ZZZ3: variants seen among roughly 807,000 people sequenced by gnomAD.
The protein encoded by ZZZ3 is ZZ-type zinc finger-containing protein 3.
In ZZZ3, 22 loss-of-function variants were observed where a neutral mutation model predicts 95.2. That is an observed-to-expected ratio of 0.23 (90% CI 0.17 to 0.33). The LOEUF (loss-of-function observed/expected upper bound fraction) is 0.33, where lower values mean the gene tolerates loss of function less well. ZZZ3 is among the 10% of genes least tolerant of loss of function. ZZZ3 has a pLI of 1.00. For missense variants in ZZZ3, 885 were observed against 1,066.5 expected, an observed-to-expected ratio of 0.83 and a Z score of 2.37; for synonymous variants, 335 against 358.9, an observed-to-expected ratio of 0.93 and a Z score of 0.75.
chr1:77,604,912 G>T (rs1665080782), intron 5 of ZZZ3, among the ~76,000 whole-genome samples: 1 of 152,080 alleles, frequency 6.6e-6, no homozygotes, highest in Non-Finnish European at 1.5e-5. Flanking sequence ...TAACTGCAAA[G>T]TGTAGGAGAA....
At position 77,623,555 on chromosome 1, in the gene ZZZ3, G is replaced by C. The variant is rs146377085; in HGVS notation, c.1505+8295C>G. On this transcript the variant is annotated intron_variant, in intron 5 of 14. Transcript: ENST00000370801. Reference sequence around the variant, plus strand: ...AAGGCTAACCGAGATCTAGAGAACAGGCTACTCTGTACTTCCCCTAACAAA... The same window carrying C: ...AAGGCTAACCGAGATCTAGAGAACACGCTACTCTGTACTTCCCCTAACAAA... 2.1e-3 allele frequency among the ~76,000 whole-genome samples: 317 copies of C among 152,120 alleles called. 1 individual carries two copies. Among genetic ancestry groups the C allele is most frequent in the Non-Finnish European group, 3.4e-3 (233 of 67,982 alleles).
At chr1:77,657,086 T>C (rs1478831635) in intron 1 of ZZZ3, among the ~76,000 whole-genome samples, 1 of 152,198 alleles carries the variant, frequency 6.6e-6, no homozygotes, top group Admixed American at 6.5e-5. Context: ...GTTCAAGTGA[T>C]TCTCATGCCT....
At chr1:77,588,479 T>C (rs1431289918) in intron 5 of ZZZ3, among the ~76,000 whole-genome samples, 1 of 152,048 alleles carries the variant, frequency 6.6e-6, no homozygotes. Context: ...ACTTGTTTTA[T>C]AGAGTATAAA....
At chr1:77,610,736 A>G (rs1049913494) in intron 5 of ZZZ3, among the ~76,000 whole-genome samples, 6 of 151,974 alleles carry the variant, frequency 3.9e-5, no homozygotes, top group Non-Finnish European at 8.8e-5. Flanking sequence ...GTGCAGAAAA[A>G]GCACTGGCAA....
intron 1 of ZZZ3, among the ~76,000 whole-genome samples, chr1:77,648,825 T>C (rs1163194250): frequency 6.6e-6 from 1 of 151,948 alleles, no homozygotes. Context: ...AAATGACGAA[T>C]TCACAGATCA....
chr1:77,653,355 A>C (rs1434287303), intron 1 of ZZZ3, among the ~76,000 whole-genome samples: 2 of 152,224 alleles, frequency 1.3e-5, no homozygotes, highest in African/African-American at 4.8e-5. Flanking sequence ...GCAATTAGGT[A>C]CTACTGATGG....
chr1:77,657,038 C>A (rs1260858103), intron 1 of ZZZ3, among the ~76,000 whole-genome samples: 1 of 152,142 alleles, frequency 6.6e-6, no homozygotes, highest in African/African-American at 2.4e-5. Flanking sequence ...TGGAGTGCAG[C>A]GGTATGATCT....
At chr1:77,628,972 T>TA (rs1424561336) in intron 5 of ZZZ3, among the ~76,000 whole-genome samples, 1 of 152,158 alleles carries the variant, frequency 6.6e-6, no homozygotes, top group African/African-American at 2.4e-5. Flanking sequence ...AGGAGGAGAA[T>TA]AAACCATCTC....
chr1:77,659,913 A>G (rs913233615), intron 1 of ZZZ3, among the ~76,000 whole-genome samples: 1 of 152,036 alleles, frequency 6.6e-6, no homozygotes, highest in Non-Finnish European at 1.5e-5. Context: ...GCTCACTGCC[A>G]CCTCAAATTC....
intron 12 of ZZZ3, among the ~76,000 whole-genome samples, chr1:77,575,619 G>A (rs985022745): frequency 8.5e-5 from 13 of 152,152 alleles, no homozygotes; most frequent in Admixed American, 3.3e-4. Context: ...AACATTGGGA[G>A]AGGGAAAAAA....
chr1:77,652,324 T>C (rs1669885002), intron 1 of ZZZ3, among the ~76,000 whole-genome samples: 2 of 152,110 alleles, frequency 1.3e-5, no homozygotes, highest in Non-Finnish European at 2.9e-5. Flanking sequence ...AATATACAAA[T>C]AGCCAATAAG....
chr1:77,599,975 A>G lies in ZZZ3; in HGVS notation c.1506-15320T>C, dbSNP rs368907969. 3.9e-5 allele frequency among the ~76,000 whole-genome samples: 6 copies of G among 152,204 alleles called. 1 individual carries two copies. Among genetic ancestry groups the G allele is most frequent in the African/African-American group, 1.4e-4 (6 of 41,558 alleles). ...TCAGATGTTATTTTCTTTTGCATGA[A>G]AGGTTTCATCAACAATCCTGAAAAT... On this transcript the variant is annotated intron_variant, in intron 5 of 14. Transcript: ENST00000370801.
intron 12 of ZZZ3, among the ~76,000 whole-genome samples, chr1:77,569,111 C>T (rs1186728898): frequency 3.3e-5 from 5 of 152,130 alleles, no homozygotes; most frequent in Non-Finnish European, 4.4e-5. Context: ...CCGAGGTGGA[C>T]GGATCACTTT....
intron 5 of ZZZ3, among the ~76,000 whole-genome samples, chr1:77,598,081 G>A (rs923303021): frequency 6.6e-6 from 1 of 151,996 alleles, no homozygotes; most frequent in Admixed American, 6.6e-5. Context: ...AACAACAGGG[G>A]TTAGGAGCAC....
chr1:77,595,739 T>C (rs1664156160), intron 5 of ZZZ3, among the ~76,000 whole-genome samples: 1 of 151,958 alleles, frequency 6.6e-6, no homozygotes, highest in African/African-American at 2.4e-5. Context: ...ATGTATAAGA[T>C]AAATTGGAGA....
rs1336820858 is a variant in ZZZ3 at position 77,568,377 on chromosome 1, C to T, written c.2421G>A (p.Gln807=). The T allele has an allele frequency of 6.3e-7, 1 of 1,597,538 alleles. No homozygotes were observed. The highest frequency in any genetic ancestry group is 1.4e-5 in the African/African-American group (1 of 73,398). The stretch of plus-strand genomic sequence containing the variant: ...CAAATCCACTTTCAGCTTGCATTTG[C>T]TGAAGTTTCTGCTTCTTTAACTTTT... The part of the protein sequence containing the change: ...QFKKLKKQKL[Q]QMQAESGFVQ... The change falls in exon 13 of 15, where the codon CAG becomes CAA. Residue 807 remains glutamine, a synonymous_variant. Coordinates refer to ENST00000370801, the MANE Select transcript of ZZZ3 (RefSeq NM_015534.6).
intron 14 of ZZZ3, 85 bp downstream of exon 14, chr1:77,565,996 T>C: frequency 4.1e-6 from 5 of 1,230,438 alleles, no homozygotes; most frequent in Non-Finnish European, 5.7e-6. Context: ...ATTAATATTT[T>C]CTATGTTTGG....
rs1261769025 is a variant in ZZZ3, at chr1:77,640,950, A to C, written c.-206+434T>G. On this transcript the variant is annotated intron_variant, in intron 3 of 14. Transcript: ENST00000370801. Reference sequence around the variant, plus strand: ...ATGCCCTGGAAATGCTTTAAAAAGCACAAGGTAGGAAAATTGTCTAATAAC... The same window carrying C: ...ATGCCCTGGAAATGCTTTAAAAAGCCCAAGGTAGGAAAATTGTCTAATAAC... 3 of 152,256 alleles carry C rather than the reference A, an allele frequency of 2.0e-5. No individual in the cohort carries two copies. The East Asian group carries it at 5.8e-4, about 29-fold the overall frequency. 9.4% of individuals were successfully genotyped at this position (152,256 alleles called of 1,614,324 possible).
rs139811576 is a variant in ZZZ3, at chr1:77,676,546, G to A, written c.-403+6039C>T. On this transcript the variant is annotated intron_variant, in intron 1 of 14. Transcript: ENST00000370801. ...TCATTTAATGCAACCAAATTATGTG[G>A]TATGGAAAAATCTTATTTCAAATTC... Among the ~76,000 whole-genome samples, 533 of 152,232 alleles carry A rather than the reference G, an allele frequency of 3.5e-3. 3 individuals are homozygous for A. The highest frequency in any genetic ancestry group is 0.012 in the African/African-American group (513 of 41,556).
Sources: allele counts gnomAD v4.1 joint callset (sites outside exome capture counted in the v4.1 genomes callset), GRCh38; gene constraint gnomAD v4.1.1; transcripts MANE v1.5; gene names NCBI Gene and HGNC (gene_info 2026-07-23, HGNC 2026-07-21).